Variants in NAV1 observed in about 807,000 individuals in gnomAD.
The protein encoded by NAV1 is neuron navigator 1.
Under a neutral mutation model 175.2 loss-of-function variants are expected in NAV1, and 18 were observed. The ratio of observed to expected loss-of-function variants is 0.10; its 90% CI spans 0.07 to 0.15. The LOEUF is 0.15. Ranked by LOEUF, NAV1 falls within the 10% of genes least tolerant of loss-of-function variation. The probability of loss-of-function intolerance (pLI) is 1.00; values close to 1 mark genes in which losing one functional copy is unlikely to be tolerated. For missense variants in NAV1, 1,731 were observed against 2,436.6 expected, an observed-to-expected ratio of 0.71 and a Z score of 6.10; for synonymous variants, 897 against 978.7, an observed-to-expected ratio of 0.92 and a Z score of 1.56.
intron 11 of NAV1, among the ~76,000 whole-genome samples, chr1:201,790,293 A>C (rs1304217142): frequency 1.3e-5 from 2 of 152,204 alleles, no homozygotes; most frequent in Non-Finnish European, 2.9e-5. Context: ...AACCAACCAA[A>C]GTCTCATTTC....
At chr1:201,549,223 T>G (rs1665772751) in intron 1 of NAV1, among the ~76,000 whole-genome samples, 1 of 151,762 alleles carries the variant, frequency 6.6e-6, no homozygotes, top group Admixed American at 6.6e-5. Context: ...CTTCTTTCTT[T>G]TTTTGACAAA....
chr1:201,547,249 A>G (rs1665700838), intron 1 of NAV1, among the ~76,000 whole-genome samples: 1 of 152,152 alleles, frequency 6.6e-6, no homozygotes, highest in South Asian at 2.1e-4. Flanking sequence ...TCGGCCTCCC[A>G]AAGTGCTGGG....
At chr1:201,628,609 C>T (rs1258625547) in intron 1 of NAV1, among the ~76,000 whole-genome samples, 1 of 152,180 alleles carries the variant, frequency 6.6e-6, no homozygotes, top group African/African-American at 2.4e-5. Flanking sequence ...CTGCACAGCC[C>T]TCCCCTCCCC....
At position 201,808,630 on chromosome 1, in the gene NAV1, G is replaced by A; in HGVS notation, c.4038+20G>A. 1 of 1,614,258 alleles carries A rather than the reference G, an allele frequency of 6.2e-7. No homozygotes were observed. The highest frequency in any genetic ancestry group is 8.5e-7 in the Non-Finnish European group (1 of 1,180,042). On this transcript the variant is annotated intron_variant, in intron 19 of 29. Transcript: ENST00000367296. The surrounding 1 kb of genome is among the most constrained non-coding windows in gnomAD (Gnocchi z 5.5). The stretch of plus-strand genomic sequence containing the variant: ...ATGCAGGTCAGTGTCTGGGCGGACA[G>A]CTGCAGGAAAGGGAAGACCAAGGCT...
At chr1:201,802,330 A>G (rs75207634) in intron 15 of NAV1, among the ~76,000 whole-genome samples, 1 of 117,716 alleles carries the variant, frequency 8.5e-6, no homozygotes, top group Non-Finnish European at 1.8e-5. Flanking sequence ...AAAAAAAAAG[A>G]CATTGAGGGG....
chr1:201,739,896 G>C, intron 3 of NAV1: 1 of 1,291,902 alleles, frequency 7.7e-7, no homozygotes, highest in Non-Finnish European at 9.9e-7. Flanking sequence ...GGCAGGCGAG[G>C]GTTAGGTTTC....
chr1:201,657,393 T>G (rs1669446919), intron 1 of NAV1, among the ~76,000 whole-genome samples: 2 of 152,234 alleles, frequency 1.3e-5, no homozygotes. Flanking sequence ...TCTGGATGCT[T>G]ACAGATGAAG....
intron 2 of NAV1, among the ~76,000 whole-genome samples, chr1:201,631,159 G>A (rs1668470834): frequency 2.0e-5 from 3 of 152,210 alleles, no homozygotes. Flanking sequence ...TAGGGAAGAG[G>A]AGCAGGGTTC....
chr1:201,571,604 G>A (rs187160778), intron 1 of NAV1, among the ~76,000 whole-genome samples: 167 of 152,326 alleles, frequency 1.1e-3, no homozygotes, highest in African/African-American at 3.8e-3. Flanking sequence ...CTCTGGCTAT[G>A]GGTGCCCAGC....
exon 15 of NAV1, chr1:201,794,470 C>G (rs749009013): frequency 1.2e-6 from 2 of 1,612,926 alleles, no homozygotes; most frequent in Non-Finnish European, 1.7e-6. Flanking sequence ...TCTTAGGACA[C>G]TGAGCTGCTG....
In NAV1 at chr1:201,653,181, A is replaced by G. The variant is rs1225352748; in HGVS notation, c.757+3756A>G. 3.9e-5 allele frequency among the ~76,000 whole-genome samples: 6 copies of G among 152,162 alleles called. No individual in the cohort carries two copies. In the South Asian group the frequency reaches 1.0e-3, roughly 26 times the overall value. On this transcript the variant is annotated intron_variant, in intron 1 of 29. Transcript: ENST00000367296. The stretch of plus-strand genomic sequence containing the variant: ...TGTCTGTACTATAGTAACACCCCAA[A>G]TCTTCCTACCTCATCTTCCCTGGAC...
At position 201,628,060 on chromosome 1, in the gene NAV1, G is replaced by C. The variant is rs577591132; in HGVS notation, c.-100-1344G>C. On this transcript the variant is annotated intron_variant, in intron 1 of 29. Coordinates refer to the NAV1 transcript ENST00000367302. ...AGGCTGAGGTGGGAGGATCATTTAA[G>C]CTCAGGAAATCAAGGCTGTAGTGAG... 2.6e-5 allele frequency among the ~76,000 whole-genome samples: 4 copies of C among 151,114 alleles called. No individual in the cohort carries two copies. In the East Asian group the frequency reaches 7.8e-4, roughly 30 times the overall value.
At chr1:201,757,927 C>T (rs1004571640) in intron 3 of NAV1, among the ~76,000 whole-genome samples, 26 of 152,224 alleles carry the variant, frequency 1.7e-4, no homozygotes, top group African/African-American at 5.3e-4. Flanking sequence ...AAGCTGTTGG[C>T]TGCACCCACG....
In NAV1 at chr1:201,586,232, C is replaced by T. The variant is rs528843699; in HGVS notation, c.-143-2307C>T. ...ACAGAAAGAGACAGTCTGTGATTTACTTCTCTGGGTTACCTAGGGTAGTCA... is the reference window on the plus strand; with the variant it reads ...ACAGAAAGAGACAGTCTGTGATTTATTTCTCTGGGTTACCTAGGGTAGTCA... On this transcript the variant is annotated intron_variant, in intron 1 of 33. Transcript: ENST00000685211. Among the ~76,000 whole-genome samples the T allele has an allele frequency of 2.1e-5, 3 of 145,892 alleles. No individual in the cohort carries two copies. The East Asian group carries it at 6.2e-4, about 30-fold the overall frequency.
intron 3 of NAV1, among the ~76,000 whole-genome samples, chr1:201,719,169 A>C (rs57203164): frequency 0.021 from 3,231 of 152,070 alleles, 84 homozygotes; most frequent in East Asian, 0.1. Flanking sequence ...AAAAAAAAAA[A>C]AACCAAAAAG....
exon 30 of NAV1, chr1:201,824,102 C>T (rs2102854355): frequency 6.6e-6 from 1 of 152,312 alleles, no homozygotes; most frequent in Admixed American, 6.5e-5. Context: ...TTGTCCTAAT[C>T]ACACATTTAA....
Position 201,812,713 on chromosome 1 carries a change from C to A in NAV1, c.5221+52C>A. On this transcript the variant is annotated intron_variant, in intron 27 of 29. Transcript: ENST00000367296. This position sits in a 1 kb window ranked among gnomAD's most constrained non-coding sequence, Gnocchi z 4.6. ...GTCAGGAGGTGGCTTCCCTTTTCCA[C>A]TGTACCACCTGGAGGGATGCTCCCT... 1 of 1,484,500 alleles carries A rather than the reference C, an allele frequency of 6.7e-7. No individual in the cohort carries two copies. Among genetic ancestry groups the A allele is most frequent in the Non-Finnish European group, 9.4e-7 (1 of 1,066,606 alleles). The allele number at this position is 1,484,500 out of a possible 1,614,324, so 92.0% of individuals were successfully genotyped here.
intron 1 of NAV1, among the ~76,000 whole-genome samples, chr1:201,559,748 GGC>G (rs1477405336): frequency 1.3e-5 from 2 of 152,228 alleles, no homozygotes; most frequent in Non-Finnish European, 2.9e-5. Context: ...GCTTAATAAA[GGC>G]GGTGTAGAGG....
At chr1:201,712,855 C>T in exon 2 of NAV1, 3 of 1,614,078 alleles carry the variant, frequency 1.9e-6, no homozygotes, top group Non-Finnish European at 2.5e-6. Flanking sequence ...GCAGAATGTC[C>T]TGGATCTCCG....
Sources: allele counts gnomAD v4.1 joint callset (sites outside exome capture counted in the v4.1 genomes callset), GRCh38; gene constraint gnomAD v4.1.1; non-coding constraint Gnocchi (gnomAD v3.1); transcripts MANE v1.5; gene names NCBI Gene and HGNC (gene_info 2026-07-23, HGNC 2026-07-21).